Variants in RALYL observed in about 807,000 individuals in gnomAD.
The protein encoded by RALYL is RNA-binding Raly-like protein.
In RALYL, 29 loss-of-function variants were observed where a neutral mutation model predicts 35.1. The ratio of observed to expected loss-of-function variants is 0.83; its 90% CI spans 0.61 to 1.13. RALYL has a LOEUF of 1.13. Among genes scored for constraint, RALYL ranks in the 50% most tolerant of loss-of-function variants. RALYL has a pLI of 0.00. For missense variants in RALYL, 359 were observed against 360.4 expected (o/e 1.00, Z 0.03); for synonymous variants, 120 against 127.6 (o/e 0.94, Z 0.40).
At chr8:84,697,801 C>T (rs528937187) in intron 2 of RALYL, among the ~76,000 whole-genome samples, 11 of 152,070 alleles carry the variant, frequency 7.2e-5, no homozygotes, top group Non-Finnish European at 1.6e-4. Context: ...CATATGTTCT[C>T]ATCATTTAGC....
chr8:84,582,899 A>G (rs1394006353), intron 2 of RALYL, among the ~76,000 whole-genome samples: 1 of 152,090 alleles, frequency 6.6e-6, no homozygotes, highest in Non-Finnish European at 1.5e-5. Context: ...TAATTTTACA[A>G]TGCTTTTATA....
intron 2 of RALYL, among the ~76,000 whole-genome samples, chr8:84,749,037 G>A (rs564531358): frequency 1.3e-5 from 2 of 152,142 alleles, no homozygotes; most frequent in South Asian, 4.1e-4. Flanking sequence ...ACTACTCTGA[G>A]AATTGAATTC....
intron 8 of RALYL, among the ~76,000 whole-genome samples, chr8:84,907,360 A>T (rs2135636734): frequency 6.6e-6 from 1 of 151,932 alleles, no homozygotes; most frequent in South Asian, 2.1e-4. Flanking sequence ...ACAGTGAAAA[A>T]CTGAGAGGAT....
intron 4 of RALYL, among the ~76,000 whole-genome samples, chr8:84,834,502 C>T (rs1299013253): frequency 1.3e-5 from 2 of 152,164 alleles, no homozygotes; most frequent in Non-Finnish European, 2.9e-5. Context: ...TGATAAGCTG[C>T]TGGTAGCTGT....
intron 1 of RALYL, among the ~76,000 whole-genome samples, chr8:84,380,557 G>A (rs765270125): frequency 6.6e-6 from 1 of 151,822 alleles, no homozygotes; most frequent in African/African-American, 2.4e-5. Flanking sequence ...AAAGAGAAAC[G>A]GGAAAGCTTA....
In RALYL at chr8:84,833,276, A is replaced by T. The variant is rs567884962; in HGVS notation, c.366-16704A>T. Among the ~76,000 whole-genome samples the T allele has an allele frequency of 2.1e-4, 32 of 152,314 alleles. No individual in the cohort carries two copies. In the South Asian group the frequency reaches 5.2e-3, roughly 25 times the overall value. On this transcript the variant is annotated intron_variant, in intron 4 of 8. Transcript: ENST00000521268. The stretch of plus-strand genomic sequence containing the variant: ...ACTAAATATTTCCAATGATGGCTCA[A>T]AGTGAAAGTCCAATGGAATTATTAC...
At chr8:84,313,407 G>T (rs879742674) in intron 1 of RALYL, among the ~76,000 whole-genome samples, 1 of 152,108 alleles carries the variant, frequency 6.6e-6, no homozygotes, top group South Asian at 2.1e-4. Context: ...CAGAAAGTGG[G>T]GTTTTCTATC....
At chr8:84,380,235 C>A (rs555595585) in intron 1 of RALYL, among the ~76,000 whole-genome samples, 1 of 151,984 alleles carries the variant, frequency 6.6e-6, no homozygotes, top group Admixed American at 6.6e-5. Flanking sequence ...AGAAAGATAC[C>A]TATGTCCCAG....
At chr8:84,868,759 G>A (rs1317610289) in intron 6 of RALYL, among the ~76,000 whole-genome samples, 2 of 152,076 alleles carry the variant, frequency 1.3e-5, no homozygotes, top group Non-Finnish European at 2.9e-5. Context: ...TAAGTATTAT[G>A]AATACATATA....
chr8:84,319,145 G>C (rs898202962), intron 1 of RALYL, among the ~76,000 whole-genome samples: 1 of 152,164 alleles, frequency 6.6e-6, no homozygotes, highest in Non-Finnish European at 1.5e-5. Context: ...TCAGGAACTG[G>C]AATGAACTTG....
intron 8 of RALYL, among the ~76,000 whole-genome samples, chr8:84,906,569 C>A (rs1162956972): frequency 1.3e-5 from 2 of 151,954 alleles, no homozygotes; most frequent in African/African-American, 4.8e-5. Flanking sequence ...AAGTGGGGCA[C>A]TTTTCTTCCC....
chr8:84,308,543 C>T (rs564086529), intron 1 of RALYL, among the ~76,000 whole-genome samples: 1 of 152,236 alleles, frequency 6.6e-6, no homozygotes, highest in East Asian at 1.9e-4. Context: ...ATTGAGGTCA[C>T]TTCACTTTTT....
intron 2 of RALYL, among the ~76,000 whole-genome samples, chr8:84,747,036 A>T (rs1808767400): frequency 6.6e-6 from 1 of 151,914 alleles, no homozygotes; most frequent in South Asian, 2.1e-4. Context: ...AATACAAAAG[A>T]TTATTTTATC....
chr8:84,334,729 A>G (rs1847447463), intron 1 of RALYL, among the ~76,000 whole-genome samples: 1 of 152,062 alleles, frequency 6.6e-6, no homozygotes, highest in Non-Finnish European at 1.5e-5. Context: ...TTAGATATCA[A>G]TTCTCTTTAT....
intron 1 of RALYL, among the ~76,000 whole-genome samples, chr8:84,425,821 G>GTGTA (rs1554662198): frequency 2.7e-4 from 41 of 150,930 alleles, no homozygotes; most frequent in African/African-American, 9.6e-4. Context: ...GTGTGTGTGT[G>GTGTA]TGTAAGTTGC....
chr8:84,199,503 G>T (rs1344573602), intron 1 of RALYL, among the ~76,000 whole-genome samples: 1 of 152,048 alleles, frequency 6.6e-6, no homozygotes. Flanking sequence ...AACTTGATGT[G>T]ATCCCATTTG....
At chr8:84,734,633 A>G (rs923549995) in intron 2 of RALYL, among the ~76,000 whole-genome samples, 4 of 152,102 alleles carry the variant, frequency 2.6e-5, no homozygotes. Context: ...ACAGTCACTA[A>G]AGACATGTTG....
At chr8:84,492,567 C>A (rs2055459372) in intron 1 of RALYL, among the ~76,000 whole-genome samples, 1 of 151,994 alleles carries the variant, frequency 6.6e-6, no homozygotes, top group African/African-American at 2.4e-5. Flanking sequence ...ACTCATCAAA[C>A]TGAATATTTT....
chr8:84,615,593 T>C (rs1436277320), intron 2 of RALYL, among the ~76,000 whole-genome samples: 2 of 142,042 alleles, frequency 1.4e-5, no homozygotes, highest in Middle Eastern at 3.2e-3. Context: ...TTTTTTTTTT[T>C]TTTTTTTACT....
Sources: allele counts gnomAD v4.1 joint callset (sites outside exome capture counted in the v4.1 genomes callset), GRCh38; gene constraint gnomAD v4.1.1; transcripts MANE v1.5; gene names NCBI Gene and HGNC (gene_info 2026-07-23, HGNC 2026-07-21).